Variants in VPS13B observed in about 807,000 individuals in gnomAD.
VPS13B encodes the protein intermembrane lipid transfer protein VPS13B.
A neutral mutation model predicts 426.4 loss-of-function variants in VPS13B; 285 were observed. That is an observed-to-expected ratio of 0.67 (90% CI 0.61 to 0.74). The LOEUF is 0.74. VPS13B is among the 30% of genes least tolerant of loss of function. The pLI is 0.00. For missense variants in VPS13B, 4,537 were observed against 4,782.6 expected, an observed-to-expected ratio of 0.95 and a Z score of 1.51; for synonymous variants, 1,676 against 1,676.4, an observed-to-expected ratio of 1.00 and a Z score of 0.01.
intron 40 of VPS13B, among the ~76,000 whole-genome samples, chr8:99,771,047 T>C (rs1325496427): frequency 6.6e-6 from 1 of 152,232 alleles, no homozygotes; most frequent in African/African-American, 2.4e-5. Context: ...ACTTTATTTA[T>C]TCCCTCTTAC....
At chr8:99,844,617 G>T (rs900591239) in intron 54 of VPS13B, among the ~76,000 whole-genome samples, 1 of 152,052 alleles carries the variant, frequency 6.6e-6, no homozygotes, top group South Asian at 2.1e-4. Flanking sequence ...CAATCCGCCC[G>T]CCTCAGCCTC....
At chr8:99,517,551 T>C (rs532669998) in intron 29 of VPS13B, among the ~76,000 whole-genome samples, 52 of 152,326 alleles carry the variant, frequency 3.4e-4, no homozygotes, top group Middle Eastern at 3.4e-3. Flanking sequence ...AGAAAAATGA[T>C]ATTGAAAGTC....
chr8:99,412,540 T>A (rs1407203036), intron 21 of VPS13B, among the ~76,000 whole-genome samples: 1 of 152,196 alleles, frequency 6.6e-6, no homozygotes, highest in Non-Finnish European at 1.5e-5. Context: ...ACTTCCTGTC[T>A]TCCTACATGA....
At chr8:99,407,222 T>C (rs1159719140) in intron 21 of VPS13B, among the ~76,000 whole-genome samples, 6 of 152,130 alleles carry the variant, frequency 3.9e-5, no homozygotes, top group Non-Finnish European at 8.8e-5. Context: ...AAGAAGAAAG[T>C]ACAGATTTAG....
At chr8:99,205,236 C>T (rs535601649) in intron 17 of VPS13B, among the ~76,000 whole-genome samples, 1 of 152,202 alleles carries the variant, frequency 6.6e-6, no homozygotes, top group East Asian at 1.9e-4. Flanking sequence ...CCATCATTCT[C>T]AGCAAACTAA....
intron 30 of VPS13B, among the ~76,000 whole-genome samples, chr8:99,555,178 C>T (rs540434283): frequency 7.8e-4 from 118 of 152,240 alleles, no homozygotes; most frequent in Non-Finnish European, 1.3e-3. Context: ...TCAGCCCTCA[C>T]CTTGCCTGGC....
intron 17 of VPS13B, among the ~76,000 whole-genome samples, chr8:99,232,650 T>C (rs2132860385): frequency 6.6e-6 from 1 of 152,314 alleles, no homozygotes; most frequent in South Asian, 2.1e-4. Flanking sequence ...CCCCTTCTAA[T>C]ATGTGCACAC....
chr8:99,714,516 G>A (rs1362463543), intron 36 of VPS13B, among the ~76,000 whole-genome samples: 2 of 152,094 alleles, frequency 1.3e-5, no homozygotes, highest in Non-Finnish European at 2.9e-5. Flanking sequence ...TAATCTCCAA[G>A]TGTCTCCCCA....
At position 99,699,625 on chromosome 8, in the gene VPS13B, C is replaced by T. The variant is rs770132791; in HGVS notation, c.6147C>T (p.His2049=). The T allele has an allele frequency of 3.7e-6, 6 of 1,613,998 alleles. No homozygotes were observed. Among genetic ancestry groups the T allele is most frequent in the African/African-American group, 2.7e-5 (2 of 74,914 alleles). ...NLFLKKIKNA[H]SLAHSEETSA... ...TTTTAAAGAAGATAAAAAATGCACA[C>T]AGTTTGGCACATAGTGAAGAGACTT... Residue 2049 remains histidine, a synonymous_variant, in exon 36 of 62, where the codon CAC becomes CAT. Coordinates refer to ENST00000357162, the MANE Select transcript of VPS13B (RefSeq NM_152564.5).
Position 99,819,469 on chromosome 8 carries a change from A to G in VPS13B, c.8679A>G (p.Gln2893=). 2 of 1,613,936 alleles carry G rather than the reference A, an allele frequency of 1.2e-6. No homozygotes were observed. The highest frequency in any genetic ancestry group is 8.5e-7 in the Non-Finnish European group (1 of 1,179,882). The change falls in exon 48 of 62, where the codon CAA becomes CAG. Residue 2893 remains glutamine (Q), a synonymous_variant. Coordinates refer to ENST00000357162, the MANE Select transcript of VPS13B (RefSeq NM_152564.5). The part of the protein sequence containing the change: ...AVPISTSLIK[Q]IATKVHPGGT... ...CCATCTCAACATCCCTCATTAAGCAAATAGCCACTAAGGTACACCCTGGAG... is the reference window on the plus strand; with the variant it reads ...CCATCTCAACATCCCTCATTAAGCAGATAGCCACTAAGGTACACCCTGGAG...
intron 31 of VPS13B, among the ~76,000 whole-genome samples, chr8:99,559,083 C>G (rs1824750434): frequency 6.6e-6 from 1 of 152,156 alleles, no homozygotes; most frequent in Non-Finnish European, 1.5e-5. Flanking sequence ...TGTTTCCTGA[C>G]TTTTTAATGA....
chr8:99,868,188 G>A, intron 58 of VPS13B, 101 bp from the exon 59 acceptor site: 4 of 1,438,152 alleles, frequency 2.8e-6, no homozygotes, highest in Non-Finnish European at 2.9e-6. Flanking sequence ...ATGAGGGTGG[G>A]GACTCATTTT....
At chr8:99,412,521 G>T (rs180938992) in intron 21 of VPS13B, among the ~76,000 whole-genome samples, 3 of 152,174 alleles carry the variant, frequency 2.0e-5, no homozygotes, top group Admixed American at 6.5e-5. Context: ...TGCAAACAGA[G>T]ACAATTTGAC....
chr8:99,174,430 A>T (rs1418170795), intron 16 of VPS13B, among the ~76,000 whole-genome samples: 1 of 152,176 alleles, frequency 6.6e-6, no homozygotes, highest in East Asian at 1.9e-4. Context: ...ACAGTGATGG[A>T]AAAAGGTTCC....
intron 30 of VPS13B, among the ~76,000 whole-genome samples, chr8:99,539,160 A>C (rs917514778): frequency 4.8e-4 from 73 of 152,222 alleles, no homozygotes; most frequent in African/African-American, 1.7e-3. Context: ...CATAATGAAG[A>C]ACAATGTGAA....
chr8:99,677,136 A>G (rs1830971837), intron 35 of VPS13B, among the ~76,000 whole-genome samples: 1 of 152,204 alleles, frequency 6.6e-6, no homozygotes, highest in Non-Finnish European at 1.5e-5. Flanking sequence ...AAAAAGAAGC[A>G]GCTAATTTTA....
chr8:99,631,028 T>A (rs1431835704), intron 33 of VPS13B, among the ~76,000 whole-genome samples: 1 of 152,098 alleles, frequency 6.6e-6, no homozygotes, highest in African/African-American at 2.4e-5. Context: ...GTAAAAGACA[T>A]TAAAAATGTT....
In VPS13B at chr8:99,871,530, G is replaced by A; in HGVS notation, c.11578G>A (p.Glu3860Lys). The change falls in exon 61 of 62, where the codon GAA (glutamate) becomes AAA (lysine). Residue 3860 changes from glutamate to lysine, a missense_variant. Glu to Lys is a moderately conservative substitution (Grantham distance 56). Transcript: ENST00000357162. Reference protein sequence around the residue: ...VLVRGSGQEHEGCLLLTSEVL... With the variant: ...VLVRGSGQEHKGCLLLTSEVL... ...GGTGAGGGGCTCAGGCCAGGAGCAT[G>A]AAGGGTGCTTGCTGCTGACATCAGA... The A allele has an allele frequency of 6.2e-7, 1 of 1,614,246 alleles. No homozygotes were observed. The highest frequency in any genetic ancestry group is 8.5e-7 in the Non-Finnish European group (1 of 1,180,054).
chr8:99,707,980 A>G (rs752188009), intron 36 of VPS13B, among the ~76,000 whole-genome samples: 1 of 152,226 alleles, frequency 6.6e-6, no homozygotes, highest in East Asian at 1.9e-4. Context: ...GAGTAAGTTT[A>G]TATCAATTTT....
Sources: allele counts gnomAD v4.1 joint callset (sites outside exome capture counted in the v4.1 genomes callset), GRCh38; gene constraint gnomAD v4.1.1; transcripts MANE v1.5; gene names NCBI Gene and HGNC (gene_info 2026-07-23, HGNC 2026-07-21).